Variants in CDCP2 observed in about 807,000 individuals in gnomAD.
CDCP2 encodes CUB domain containing protein 2, also known as CUB domain-containing protein 2.
Under a neutral mutation model 31.0 loss-of-function variants are expected in CDCP2, and 31 were observed. The ratio of observed to expected loss-of-function variants is 1.00; its 90% CI spans 0.75 to 1.35. The LOEUF (loss-of-function observed/expected upper bound fraction) is 1.35. Ranked by LOEUF, CDCP2 falls within the 40% of genes most tolerant of loss-of-function variation. The pLI is 0.00. For synonymous variants in CDCP2, 206 were observed against 207.9 expected, an observed-to-expected ratio of 0.99 and a Z score of 0.08; for missense variants, 443 against 482.6, an observed-to-expected ratio of 0.92 and a Z score of 0.77.
chr1:54,133,070 C>G lies in CDCP2; in HGVS notation c.1521G>C (p.Val507=), dbSNP rs1218626622. The change falls in exon 6 of 6, where the codon GTG becomes GTC. Residue 507 remains valine (V), a synonymous_variant. Coordinates refer to ENST00000530059, the Ensembl canonical transcript of CDCP2. Reference sequence around the variant, plus strand: ...CACTGGTATCCTGGGCCACCATGCTCACTGGGCCCTCCAGTGCCTCCGCCT... The same window carrying G: ...CACTGGTATCCTGGGCCACCATGCTGACTGGGCCCTCCAGTGCCTCCGCCT... The G allele has an allele frequency of 1.8e-5, 7 of 399,018 alleles. No individual in the cohort carries two copies. The Admixed American group carries it at 2.6e-4, about 15-fold the overall frequency. The allele number at this position is 399,018 out of a possible 1,614,324, so 24.7% of individuals were successfully genotyped here.
intron 1 of CDCP2, among the ~76,000 whole-genome samples, chr1:54,148,229 TAA>T (rs1409064994): frequency 6.6e-6 from 1 of 150,566 alleles, no homozygotes; most frequent in African/African-American, 2.5e-5. Flanking sequence ...GCCAGGCAAA[TAA>T]AAATTTTTAT....
chr1:54,142,557 G>A (rs931102463), intron 2 of CDCP2: 1 of 152,256 alleles, frequency 6.6e-6, no homozygotes, highest in African/African-American at 2.4e-5. Context: ...CTTGCTGGAG[G>A]TCACCAGCAG....
At position 54,139,646 on chromosome 1, in the gene CDCP2, G is replaced by GGA; in HGVS notation, c.1117+106_1117+107insTC. 3.8e-6 allele frequency: 6 copies of GGA among 1,581,516 alleles called. No individual in the cohort carries two copies. The South Asian group carries it at 5.6e-5, about 15-fold the overall frequency. ...GAAGGAGCTGGAGAAGACCATTCATGGGGGGGGCAGGACAAACTGGTGGGA... is the reference window on the plus strand; with the variant it reads ...GAAGGAGCTGGAGAAGACCATTCATGGAGGGGGGGCAGGACAAACTGGTGGGA... On this transcript the variant is annotated intron_variant, in intron 4 of 5. Coordinates refer to ENST00000530059, the Ensembl canonical transcript of CDCP2.
chr1:54,149,042 A>G (rs1293012272), intron 1 of CDCP2, among the ~76,000 whole-genome samples: 2 of 148,742 alleles, frequency 1.3e-5, no homozygotes, highest in Non-Finnish European at 3.0e-5. Flanking sequence ...TAGTTGGGGA[A>G]AACTGAACAT....
At chr1:54,133,242 G>T (rs778269085) in exon 6 of CDCP2, 15 of 399,154 alleles carry the variant, frequency 3.8e-5, no homozygotes, top group Middle Eastern at 6.3e-4. Flanking sequence ...CCGCCCCGCG[G>T]CTGAGAAGTC....
intron 1 of CDCP2, among the ~76,000 whole-genome samples, chr1:54,147,872 C>T (rs1659503161): frequency 6.6e-6 from 1 of 151,264 alleles, no homozygotes; most frequent in Non-Finnish European, 1.5e-5. Context: ...ATTAGCCGGG[C>T]ATGGTGGTGC....
downstream of CDCP2, chr1:54,132,940 T>A: frequency 5.0e-6 from 2 of 398,656 alleles, no homozygotes; most frequent in Non-Finnish European, 8.8e-6. Flanking sequence ...CCCAGGCATG[T>A]CAGATGCCAG....
intron 3 of CDCP2, 111 bp downstream of exon 3, chr1:54,140,987 G>A: frequency 1.1e-6 from 1 of 898,598 alleles, no homozygotes; most frequent in Non-Finnish European, 1.6e-6. Flanking sequence ...AGAGAGTGCA[G>A]AAAGCTCAAG....
chr1:54,148,591 G>A (rs1430708539), intron 1 of CDCP2, among the ~76,000 whole-genome samples: 2 of 151,636 alleles, frequency 1.3e-5, no homozygotes, highest in Non-Finnish European at 2.9e-5. Context: ...TACAGTTAGA[G>A]TAAATATGGA....
At chr1:54,139,650 G>GT (rs765934372) in intron 4 of CDCP2, 103 bp downstream of exon 4, 1 of 1,613,666 alleles carries the variant, frequency 6.2e-7, no homozygotes, top group Non-Finnish European at 8.5e-7. Flanking sequence ...ATTCATGGGG[G>GT]GGGCAGGACA....
rs767410060 is a variant in CDCP2, at chr1:54,139,532, G to A, written c.1117+221C>T. 6.2e-6 allele frequency: 10 copies of A among 1,613,350 alleles called. No homozygotes were observed. In the South Asian group the frequency reaches 1.1e-4, roughly 18 times the overall value. The stretch of plus-strand genomic sequence containing the variant: ...AGGACTCACGAAGTTAGAAGCTGGG[G>A]AAGGAGGCTCTGCAATAGTGGAAAC... On this transcript the variant is annotated intron_variant, in intron 4 of 5. Coordinates refer to ENST00000530059, the Ensembl canonical transcript of CDCP2.
chr1:54,152,776 T>G, intron 1 of CDCP2, 68 bp downstream of exon 1: 1 of 1,454,286 alleles, frequency 6.9e-7, no homozygotes, highest in Non-Finnish European at 9.5e-7. Context: ...AGAAACTTCT[T>G]GAGCCCCTGG....
chr1:54,148,965 T>TA (rs57570905), intron 1 of CDCP2, among the ~76,000 whole-genome samples: 2,961 of 119,984 alleles, frequency 0.025, 55 homozygotes, highest in Non-Finnish European at 0.039. Context: ...ATGAATTGTT[T>TA]AAAAAAAAAA....
exon 2 of CDCP2, chr1:54,144,560 C>T (rs1194892452): frequency 7.4e-6 from 12 of 1,613,612 alleles, no homozygotes; most frequent in African/African-American, 1.3e-5. Flanking sequence ...TGAAGGGCGG[C>T]GGGGGCACCT....
chr1:54,148,712 G>C (rs1472313668), intron 1 of CDCP2, among the ~76,000 whole-genome samples: 1 of 151,214 alleles, frequency 6.6e-6, no homozygotes, highest in South Asian at 2.1e-4. Context: ...AAGATAAAGG[G>C]GGGAAGGAGG....
At chr1:54,144,434 A>G in intron 2 of CDCP2, 32 bp downstream of exon 2, 1 of 1,529,738 alleles carries the variant, frequency 6.5e-7, no homozygotes. Flanking sequence ...GGTGTGAGCC[A>G]CTGCAACAGG....
chr1:54,139,422 G>T (rs625370), intron 4 of CDCP2: 2 of 947,010 alleles, frequency 2.1e-6, no homozygotes, highest in Non-Finnish European at 3.1e-6. Flanking sequence ...ACCATATTTT[G>T]TCTATTTCCC....
At chr1:54,148,231 A>G (rs1659509485) in intron 1 of CDCP2, among the ~76,000 whole-genome samples, 2 of 151,268 alleles carry the variant, frequency 1.3e-5, no homozygotes, top group African/African-American at 4.9e-5. Context: ...CAGGCAAATA[A>G]AAATTTTTAT....
At chr1:54,140,464 C>A in intron 3 of CDCP2, 1 of 364,518 alleles carries the variant, frequency 2.7e-6, no homozygotes, top group Non-Finnish European at 5.2e-6. Context: ...CTGGCCTTTC[C>A]CCTTTTCTCA....
Sources: allele counts gnomAD v4.1 joint callset (sites outside exome capture counted in the v4.1 genomes callset), GRCh38; gene constraint gnomAD v4.1.1; transcripts MANE v1.5; gene names NCBI Gene and HGNC (gene_info 2026-07-23, HGNC 2026-07-21).